The following CNTLN variants were observed in gnomAD, a reference collection of about 807,000 sequenced individuals.
CNTLN encodes centlein.
CNTLN carries 212 observed loss-of-function variants against 180.0 expected under a neutral mutation model. The observed-to-expected ratio is 1.18, with a 90% CI of 1.05 to 1.32. The LOEUF is 1.32. CNTLN is among the 40% of genes most tolerant of loss of function. The probability of loss-of-function intolerance (pLI) is 0.00; values close to 1 mark genes in which losing one functional copy is unlikely to be tolerated. For missense variants in CNTLN, 2,095 were observed against 1,610.9 expected (o/e 1.30, Z -5.14); for synonymous variants, 722 against 563.1 (o/e 1.28, Z -3.99).
chr9:17,357,595 A>AT (rs200873736), intron 12 of CNTLN, among the ~76,000 whole-genome samples: 3,433 of 84,346 alleles, frequency 0.041, 174 homozygotes, highest in East Asian at 0.32. Context: ...TATATATATA[A>AT]ATACTACATA....
At chr9:17,269,673 T>G (rs981266187) in intron 5 of CNTLN, among the ~76,000 whole-genome samples, 1 of 152,164 alleles carries the variant, frequency 6.6e-6, no homozygotes, top group African/African-American at 2.4e-5. Flanking sequence ...TTGAGCCTTG[T>G]TTTATGGTCT....
At chr9:17,381,051 T>C (rs1054892203) in intron 13 of CNTLN, among the ~76,000 whole-genome samples, 2 of 152,204 alleles carry the variant, frequency 1.3e-5, no homozygotes, top group African/African-American at 2.4e-5. Context: ...CAACAACAAT[T>C]CGTACTGTCA....
At chr9:17,524,217 GTTA>G in the CNTLN span, among the ~76,000 whole-genome samples, 1 of 152,126 alleles carries the variant, frequency 6.6e-6, no homozygotes, top group Non-Finnish European at 1.5e-5. Context: ...TTGTTATTTA[GTTA>G]TTATAAGGGA....
intron 8 of CNTLN, among the ~76,000 whole-genome samples, chr9:17,314,969 A>G (rs1306047704): frequency 6.6e-6 from 1 of 152,188 alleles, no homozygotes; most frequent in African/African-American, 2.4e-5. Context: ...TGTTGATCTT[A>G]TCACCAATTA....
Position 17,466,572 on chromosome 9 carries a change from A to G in CNTLN, c.3670-134A>G, listed in dbSNP as rs1831762520. ...TGTTTTATTGAAAGTTAATGAAAAT[A>G]ATCATTAATTTTACCCAAATAATAA... On this transcript the variant is annotated intron_variant, in intron 22 of 25. Coordinates refer to ENST00000380647, the MANE Select transcript of CNTLN (RefSeq NM_017738.4). 4 of 663,196 alleles carry G rather than the reference A, an allele frequency of 6.0e-6. 1 individual carries two copies. The allele number at this position is 663,196 out of a possible 1,614,324, so 41.1% of individuals were successfully genotyped here. A position where few individuals can be genotyped will look rare whatever the true frequency, so the allele number is the denominator to read the frequency against.
chr9:17,495,802 T>G (rs537579999), intron 25 of CNTLN, among the ~76,000 whole-genome samples: 1 of 152,268 alleles, frequency 6.6e-6, no homozygotes, highest in East Asian at 1.9e-4. Context: ...AGTGTCCTAT[T>G]CACGGGTACC....
intron 8 of CNTLN, among the ~76,000 whole-genome samples, chr9:17,321,149 A>G (rs1215353941): frequency 1.3e-5 from 2 of 152,118 alleles, no homozygotes; most frequent in African/African-American, 4.8e-5. Context: ...TTGTTTGCTT[A>G]CAGATACATA....
intron 2 of CNTLN, among the ~76,000 whole-genome samples, chr9:17,197,169 A>C (rs1822187637): frequency 1.3e-5 from 2 of 152,240 alleles, no homozygotes; most frequent in South Asian, 4.1e-4. Flanking sequence ...GGGCTATTGT[A>C]TAATAAGAGT....
chr9:17,340,788 C>T, intron 10 of CNTLN, 39 bp from the exon 11 acceptor site: 1 of 1,547,776 alleles, frequency 6.5e-7, no homozygotes, highest in Non-Finnish European at 8.7e-7. Flanking sequence ...TTAATACTTT[C>T]TTCAAACTTA....
At position 17,502,800 on chromosome 9, in the gene CNTLN, T is replaced by C. The variant is rs142804599; in HGVS notation, c.*148T>C. 0.018 allele frequency: 6,991 copies of C among 399,254 alleles called. 83 individuals are homozygous for C. Among genetic ancestry groups the C allele is most frequent in the Non-Finnish European group, 0.023 (5,035 of 218,736 alleles). 24.7% of individuals were successfully genotyped at this position (399,254 alleles called of 1,614,324 possible). A position where few individuals can be genotyped will look rare whatever the true frequency, so the allele number is the denominator to read the frequency against. On this transcript the variant is annotated 3_prime_UTR_variant, in exon 26 of 26. Transcript: ENST00000380647. ...ATAAGAAGTCTCTGAAAATAATTAA[T>C]TGCTGAACAAGTGAAACTAATTAAG...
At chr9:17,431,058 T>C (rs1829390052) in intron 18 of CNTLN, among the ~76,000 whole-genome samples, 1 of 152,076 alleles carries the variant, frequency 6.6e-6, no homozygotes, top group South Asian at 2.1e-4. Context: ...TTCCTTTAGC[T>C]GTATACCCCA....
Position 17,484,345 on chromosome 9 carries a change from A to AAGAG in CNTLN, c.3909_3912dup (p.Leu1305ArgfsTer3). On this transcript the variant is annotated frameshift_variant, in exon 24 of 26. Transcript: ENST00000380647. LOFTEE classifies it high-confidence loss of function. Reference sequence around the variant, plus strand: ...ATGTCCATGTGGTAAGGCGACAAATAAGAGAGCTTAAAAAAATGAAGAAAA... The same window carrying AAGAG: ...ATGTCCATGTGGTAAGGCGACAAATAAGAGAGAGAGCTTAAAAAAATGAAGAAAA... 6.2e-7 allele frequency: 1 copy of AAGAG among 1,611,942 alleles called. No homozygotes were observed. The highest frequency in any genetic ancestry group is 8.5e-7 in the Non-Finnish European group (1 of 1,179,302).
downstream of CNTLN, among the ~76,000 whole-genome samples, chr9:17,507,245 T>G (rs1345999847): frequency 2.0e-5 from 3 of 152,174 alleles, no homozygotes; most frequent in Non-Finnish European, 4.4e-5. Flanking sequence ...TGAGGTATTT[T>G]GTTTTCTGTT....
intron 10 of CNTLN, 25 bp from the exon 11 acceptor site, chr9:17,340,802 A>G (rs758791202): frequency 2.5e-6 from 4 of 1,591,510 alleles, no homozygotes; most frequent in South Asian, 2.3e-5. Context: ...AAACTTATAT[A>G]TACTTGCTTT....
chr9:17,489,392 C>A (rs935732932), intron 25 of CNTLN, among the ~76,000 whole-genome samples: 2 of 151,836 alleles, frequency 1.3e-5, no homozygotes, highest in Admixed American at 6.6e-5. Flanking sequence ...ACTAATTAGT[C>A]CAATGTTGAT....
rs149098609 is a variant in CNTLN, at chr9:17,240,753, G to A, written c.849+4165G>A. 2.0e-3 allele frequency among the ~76,000 whole-genome samples: 302 copies of A among 152,204 alleles called. 1 individual carries two copies. The highest frequency in any genetic ancestry group is 6.9e-3 in the African/African-American group (286 of 41,536). On this transcript the variant is annotated intron_variant, in intron 5 of 25. Transcript: ENST00000380647. Reference sequence around the variant, plus strand: ...GTGCGGAAGCTTTTTAAGTTGATATGATCCCATGTGTACATTTTTACTTTG... The same window carrying A: ...GTGCGGAAGCTTTTTAAGTTGATATAATCCCATGTGTACATTTTTACTTTG...
At chr9:17,354,476 C>T (rs1054748656) in intron 12 of CNTLN, among the ~76,000 whole-genome samples, 2 of 152,152 alleles carry the variant, frequency 1.3e-5, no homozygotes, top group African/African-American at 4.8e-5. Context: ...CACTCTGTAT[C>T]TAGCTCAAGG....
intron 18 of CNTLN, among the ~76,000 whole-genome samples, chr9:17,449,241 G>A (rs1238013736): frequency 6.6e-6 from 1 of 151,956 alleles, no homozygotes; most frequent in Non-Finnish European, 1.5e-5. Flanking sequence ...CTACCATTAG[G>A]TATATCTCCC....
intron 18 of CNTLN, among the ~76,000 whole-genome samples, chr9:17,434,470 T>G (rs1829638940): frequency 6.6e-6 from 1 of 152,120 alleles, no homozygotes; most frequent in Non-Finnish European, 1.5e-5. Flanking sequence ...TGAACCTTCC[T>G]CTTTGACTTG....
Sources: allele counts gnomAD v4.1 joint callset (sites outside exome capture counted in the v4.1 genomes callset), GRCh38; gene constraint gnomAD v4.1.1; transcripts MANE v1.5; gene names NCBI Gene and HGNC (gene_info 2026-07-23, HGNC 2026-07-21).